CSMD2: variants seen among roughly 807,000 people sequenced by gnomAD.
CSMD2 encodes CUB and Sushi multiple domains 2.
In CSMD2, 130 loss-of-function variants were observed where a neutral mutation model predicts 398.5. The observed-to-expected ratio is 0.33, with a 90% CI of 0.28 to 0.38. CSMD2 has a LOEUF of 0.38. Ranked by LOEUF, CSMD2 falls within the 10% of genes least tolerant of loss-of-function variation. CSMD2 has a pLI of 1.00. For synonymous variants in CSMD2, 1,828 were observed against 1,908.5 expected, an observed-to-expected ratio of 0.96 and a Z score of 1.10; for missense variants, 3,829 against 4,764.9, an observed-to-expected ratio of 0.80 and a Z score of 5.78.
intron 5 of CSMD2, among the ~76,000 whole-genome samples, chr1:33,892,356 G>T (rs1642082668): frequency 6.6e-6 from 1 of 152,014 alleles, no homozygotes; most frequent in Non-Finnish European, 1.5e-5. Flanking sequence ...GGGTGTACAG[G>T]TGGTTTTTGG....
At chr1:33,647,838 T>C (rs920257382) in intron 28 of CSMD2, among the ~76,000 whole-genome samples, 1 of 152,170 alleles carries the variant, frequency 6.6e-6, no homozygotes, top group East Asian at 1.9e-4. Flanking sequence ...GGGATGATAA[T>C]GAAGATGAAG....
At chr1:33,842,167 C>T (rs1267323226) in intron 6 of CSMD2, among the ~76,000 whole-genome samples, 4 of 152,168 alleles carry the variant, frequency 2.6e-5, no homozygotes, top group Admixed American at 2.0e-4. Flanking sequence ...CTGACTCCTT[C>T]ATCTCCTTCA....
At chr1:34,022,769 G>T (rs1190082217) in intron 3 of CSMD2, among the ~76,000 whole-genome samples, 11 of 152,178 alleles carry the variant, frequency 7.2e-5, no homozygotes, top group Non-Finnish European at 1.2e-4. Flanking sequence ...TGATGGCCAG[G>T]TAAGGAGTCT....
Position 33,557,868 on chromosome 1 carries a change from G to T in CSMD2, c.8609C>A (p.Ala2870Asp), listed in dbSNP as rs983521648. ...HQENSVRQVH[A>D]SGPHRFSFGT... ...GAAGCTGAACCTGTGCGGGCCGCTG[G>T]CGTGGACCTGACGAACACTATTTTC... The change falls in exon 55 of 71, where the codon GCC (alanine) becomes GAC (aspartate). Residue 2870 changes from alanine (A) to aspartate (D), a missense_variant. Ala to Asp is a moderately radical substitution (Grantham distance 126). Coordinates refer to ENST00000373381, the MANE Select transcript of CSMD2 (RefSeq NM_001281956.2). 9.8e-6 allele frequency: 15 copies of T among 1,536,034 alleles called. No homozygotes were observed. In the African/African-American group the frequency reaches 2.1e-4, roughly 21 times the overall value.
At chr1:33,987,267 G>A (rs1222950393) in intron 3 of CSMD2, among the ~76,000 whole-genome samples, 1 of 152,002 alleles carries the variant, frequency 6.6e-6, no homozygotes. Flanking sequence ...TATGTTAAAG[G>A]ATATTAGGAT....
chr1:33,714,220 C>T (rs146135396), intron 21 of CSMD2, among the ~76,000 whole-genome samples: 1 of 152,234 alleles, frequency 6.6e-6, no homozygotes, highest in Non-Finnish European at 1.5e-5. Context: ...ACAGGCCCAC[C>T]TAGTGCCCAT....
At chr1:33,691,590 C>T (rs1645242691) in intron 25 of CSMD2, among the ~76,000 whole-genome samples, 1 of 152,174 alleles carries the variant, frequency 6.6e-6, no homozygotes, top group Non-Finnish European at 1.5e-5. Context: ...GAATCTTCTC[C>T]TAGCTATACT....
Position 33,935,742 on chromosome 1 carries a change from C to A in CSMD2, c.712+18G>T. ...CAGCCACTGCCCCACTCTGTCAGAC[C>A]CCTTGCTGGCCACCTACCTCTGCAG... On this transcript the variant is annotated intron_variant, in intron 4 of 70. Coordinates refer to ENST00000373381, the MANE Select transcript of CSMD2 (RefSeq NM_001281956.2). 6.3e-7 allele frequency: 1 copy of A among 1,584,036 alleles called. No homozygotes were observed. Among genetic ancestry groups the A allele is most frequent in the Non-Finnish European group, 8.6e-7 (1 of 1,166,236 alleles).
Position 33,537,032 on chromosome 1 carries a change from T to C in CSMD2, c.9869A>G (p.Gln3290Arg), listed in dbSNP as rs1655862912. 6.2e-7 allele frequency: 1 copy of C among 1,613,894 alleles called. No homozygotes were observed. The highest frequency in any genetic ancestry group is 1.3e-5 in the African/African-American group (1 of 74,908). ...GGCTGACCTCCTTACCTGGTAGCCC[T>C]GAGAATTGTTCTGTATCCCAAACTG... ...VPQFGIQNNS[Q>R]GYQVGSTVLF... The change falls in exon 62 of 71, where the codon CAG becomes CGG. Residue 3290 changes from glutamine (Q) to arginine (R), a missense_variant. This residue lies in a region of CSMD2 where 917 missense variants were observed against 1,199.5 expected (regional missense o/e 0.76). Coordinates refer to ENST00000373381, the MANE Select transcript of CSMD2 (RefSeq NM_001281956.2). This position sits in a 1 kb window ranked among gnomAD's most constrained non-coding sequence, Gnocchi z 4.6.
At chr1:33,802,705 TAAC>T (rs1374313273) in intron 10 of CSMD2, among the ~76,000 whole-genome samples, 1 of 152,180 alleles carries the variant, frequency 6.6e-6, no homozygotes, top group Non-Finnish European at 1.5e-5. Context: ...CAGCTCCTTC[TAAC>T]AACAGCATCT....
Position 33,559,567 on chromosome 1 carries a change from T to A in CSMD2, c.8381-94A>T. The A allele has an allele frequency of 8.7e-7, 1 of 1,143,868 alleles. No individual in the cohort carries two copies. Among genetic ancestry groups the A allele is most frequent in the Non-Finnish European group, 1.2e-6 (1 of 806,248 alleles). 70.9% of individuals were successfully genotyped at this position (1,143,868 alleles called of 1,614,324 possible). A position where few individuals can be genotyped will look rare whatever the true frequency, so the allele number is the denominator to read the frequency against. ...CACCTGGCATCTCTTAGGCCATCAGTGAAGTTCAGCCCTAAGTCTAACTTC... is the reference window on the plus strand; with the variant it reads ...CACCTGGCATCTCTTAGGCCATCAGAGAAGTTCAGCCCTAAGTCTAACTTC... On this transcript the variant is annotated intron_variant, in intron 53 of 70. Transcript: ENST00000373381. This position sits in a 1 kb window ranked among gnomAD's most constrained non-coding sequence, Gnocchi z 4.0.
chr1:33,651,125 G>A (rs142645141), intron 28 of CSMD2, among the ~76,000 whole-genome samples: 2 of 152,290 alleles, frequency 1.3e-5, no homozygotes, highest in Non-Finnish European at 2.9e-5. Context: ...AGCTAAGGGA[G>A]AGATCGGCAT....
intron 55 of CSMD2, among the ~76,000 whole-genome samples, chr1:33,554,185 C>CTTTTT (rs397860875): frequency 3.9e-4 from 29 of 74,388 alleles, no homozygotes; most frequent in African/African-American, 7.0e-4. Flanking sequence ...AAAAAACAGC[C>CTTTTT]TTTTTTTTTT....
chr1:34,151,503 G>A (rs909719103), intron 1 of CSMD2, among the ~76,000 whole-genome samples: 1 of 152,096 alleles, frequency 6.6e-6, no homozygotes, highest in Non-Finnish European at 1.5e-5. Flanking sequence ...ATGGGGAGGA[G>A]GATGACTTAC....
At chr1:33,815,359 G>A (rs1284610581) in intron 9 of CSMD2, 3 of 152,072 alleles carry the variant, frequency 2.0e-5, no homozygotes, top group African/African-American at 7.2e-5. Context: ...TTTCTTCTTA[G>A]CTTTCTTCTT....
At chr1:33,558,550 C>A (rs867595163) in intron 54 of CSMD2, among the ~76,000 whole-genome samples, 19 of 152,152 alleles carry the variant, frequency 1.2e-4, no homozygotes, top group African/African-American at 4.6e-4. Context: ...CATTATCTTA[C>A]CTGAGTCTCA....
intron 42 of CSMD2, among the ~76,000 whole-genome samples, chr1:33,603,086 G>A (rs879407847): frequency 6.6e-6 from 1 of 152,148 alleles, no homozygotes; most frequent in Admixed American, 6.5e-5. Flanking sequence ...AAGTAGTTTA[G>A]CCTCCCTGAG....
intron 7 of CSMD2, among the ~76,000 whole-genome samples, chr1:33,822,087 GAGA>G (rs752761398): frequency 4.8e-4 from 73 of 152,246 alleles, no homozygotes; most frequent in Admixed American, 7.2e-4. Context: ...TTCTGGTGGG[GAGA>G]AGGCGTGGTG....
intron 5 of CSMD2, among the ~76,000 whole-genome samples, chr1:33,883,702 G>A (rs1366703026): frequency 1.3e-5 from 2 of 152,170 alleles, no homozygotes; most frequent in African/African-American, 4.8e-5. Flanking sequence ...TTCTCAGGGA[G>A]TCTACAGTCA....
Sources: allele counts gnomAD v4.1 joint callset (sites outside exome capture counted in the v4.1 genomes callset), GRCh38; gene constraint gnomAD v4.1.1; regional missense constraint gnomAD v4.1.1; non-coding constraint Gnocchi (gnomAD v3.1); transcripts MANE v1.5; gene names NCBI Gene and HGNC (gene_info 2026-07-23, HGNC 2026-07-21).